Variants in CAMTA1 observed in about 807,000 individuals in gnomAD.
The protein encoded by CAMTA1 is calmodulin-binding transcription activator 1.
Under a neutral mutation model 170.9 loss-of-function variants are expected in CAMTA1, and 27 were observed. The observed-to-expected ratio is 0.16, with a 90% CI of 0.12 to 0.22. The LOEUF is 0.22. CAMTA1 is among the 10% of genes least tolerant of loss of function. The pLI is 1.00. For missense variants in CAMTA1, 1,619 were observed against 2,217.2 expected (o/e 0.73, Z 5.42); for synonymous variants, 833 against 891.5 (o/e 0.93, Z 1.17).
rs1213985686 is a variant in CAMTA1, at chr1:7,333,080, C to T, written c.438+83454C>T. Among the ~76,000 whole-genome samples, 1 of 152,198 alleles carries T rather than the reference C, an allele frequency of 6.6e-6. No homozygotes were observed. The highest frequency in any genetic ancestry group is 1.9e-4 in the East Asian group (1 of 5,198). ...CATTCCTCAGCCATTTATTGCTGCACCCACTCCAGCGGGCATGAGCAACAG... is the reference window on the plus strand; with the variant it reads ...CATTCCTCAGCCATTTATTGCTGCATCCACTCCAGCGGGCATGAGCAACAG... On this transcript the variant is annotated intron_variant, in intron 5 of 22. Transcript: ENST00000303635. This position sits in a 1 kb window ranked among gnomAD's most constrained non-coding sequence, Gnocchi z 4.4.
chr1:7,752,361 G>A (rs1375046084), intron 20 of CAMTA1, 98 bp from the exon 21 acceptor site: 12 of 1,005,096 alleles, frequency 1.2e-5, no homozygotes, highest in African/African-American at 3.2e-5. Context: ...TTTGCTACAC[G>A]AACTGCTTAA....
intron 11 of CAMTA1, among the ~76,000 whole-genome samples, chr1:7,708,939 C>G (rs999231183): frequency 2.6e-5 from 4 of 152,064 alleles, no homozygotes; most frequent in African/African-American, 9.7e-5. Flanking sequence ...ATTAATCATT[C>G]TCTCCATTTT....
In CAMTA1 at chr1:6,968,205, T is replaced by A. The variant is rs189464464; in HGVS notation, c.235-123099T>A. On this transcript the variant is annotated intron_variant, in intron 3 of 22. Coordinates refer to ENST00000303635, the MANE Select transcript of CAMTA1 (RefSeq NM_015215.4). ...CCGCTTGGTGTGCCGAGAAAACGGCTCTTAATGTGGCCCCGGGTGTGTTTT... is the reference window on the plus strand; with the variant it reads ...CCGCTTGGTGTGCCGAGAAAACGGCACTTAATGTGGCCCCGGGTGTGTTTT... Among the ~76,000 whole-genome samples the A allele has an allele frequency of 2.4e-4, 36 of 152,250 alleles. No individual in the cohort carries two copies. The East Asian group carries it at 5.2e-3, about 22-fold the overall frequency.
chr1:6,961,291 T>C (rs1690352931), intron 3 of CAMTA1, among the ~76,000 whole-genome samples: 1 of 152,154 alleles, frequency 6.6e-6, no homozygotes, highest in Non-Finnish European at 1.5e-5. Context: ...AGGAGCACGC[T>C]GGAAGGAAGG....
chr1:7,751,543 T>C (rs2096897430), intron 20 of CAMTA1, 151 bp downstream of exon 20: 1 of 556,848 alleles, frequency 1.8e-6, no homozygotes, highest in Non-Finnish European at 3.0e-6. Context: ...GCATGGTGGC[T>C]GATAAGTACA....
At chr1:7,316,601 C>A (rs908981141) in intron 5 of CAMTA1, among the ~76,000 whole-genome samples, 9 of 152,154 alleles carry the variant, frequency 5.9e-5, no homozygotes, top group Non-Finnish European at 1.2e-4. Context: ...GTGTTCGTAA[C>A]AATTCTGTTC....
intron 3 of CAMTA1, among the ~76,000 whole-genome samples, chr1:6,939,151 G>A (rs964630641): frequency 6.6e-5 from 10 of 152,176 alleles, no homozygotes; most frequent in African/African-American, 2.2e-4. Context: ...ATTTGGGTTC[G>A]TAACCAGAGG....
rs3034816 is a variant in CAMTA1 at position 7,579,552 on chromosome 1, CTTTTTTTT to C, written c.511-60830_511-60823del. ...GGTCCACTTTCTTTTCTTTTCTTTT[CTTTTTTTT>C]TTTTTTTTTTTTTTTTTGAGATAGA... On this transcript the variant is annotated intron_variant, in intron 6 of 22. Transcript: ENST00000303635. 1.9e-4 allele frequency among the ~76,000 whole-genome samples: 15 copies of C among 79,196 alleles called. 1 individual carries two copies. Among genetic ancestry groups the C allele is most frequent in the East Asian group, 1.1e-3 (3 of 2,848 alleles). The allele number at this position is 79,196 out of a possible 152,430, so 52.0% of individuals were successfully genotyped here. A position where few individuals can be genotyped will look rare whatever the true frequency, so the allele number is the denominator to read the frequency against.
At chr1:7,204,884 C>T (rs977210288) in intron 4 of CAMTA1, among the ~76,000 whole-genome samples, 3 of 133,816 alleles carry the variant, frequency 2.2e-5, no homozygotes. Context: ...GGCTGAAGTG[C>T]AGTGGCACGA....
chr1:7,766,697 C>G lies in CAMTA1; in HGVS notation c.*206C>G. On this transcript the variant is annotated 3_prime_UTR_variant, in exon 23 of 23. Transcript: ENST00000303635. Reference sequence around the variant, plus strand: ...GTTTTGGTCATTGCATTTGCACTTTCATGGACAACTTTTAATTTGATCAGC... The same window carrying G: ...GTTTTGGTCATTGCATTTGCACTTTGATGGACAACTTTTAATTTGATCAGC... 1.9e-6 allele frequency: 1 copy of G among 516,322 alleles called. No individual in the cohort carries two copies. The highest frequency in any genetic ancestry group is 3.5e-6 in the Non-Finnish European group (1 of 288,074). The allele number at this position is 516,322 out of a possible 1,614,324, so 32.0% of individuals were successfully genotyped here.
At chr1:6,801,044 A>G (rs909608452) in intron 1 of CAMTA1, among the ~76,000 whole-genome samples, 7 of 152,346 alleles carry the variant, frequency 4.6e-5, no homozygotes, top group African/African-American at 1.7e-4. Context: ...GAAAGCTATA[A>G]CAAGTTAGAA....
chr1:7,425,935 G>A (rs982819613), intron 5 of CAMTA1, among the ~76,000 whole-genome samples: 1 of 152,326 alleles, frequency 6.6e-6, no homozygotes, highest in Middle Eastern at 3.4e-3. Flanking sequence ...GCCAATGTTT[G>A]TGATTTCATT....
chr1:7,112,105 G>C (rs991667796), intron 4 of CAMTA1, among the ~76,000 whole-genome samples: 1 of 152,102 alleles, frequency 6.6e-6, no homozygotes, highest in Non-Finnish European at 1.5e-5. Context: ...TGGAGCCTTT[G>C]TAGGGGAGGC....
At chr1:7,001,753 C>T (rs984944395) in intron 3 of CAMTA1, among the ~76,000 whole-genome samples, 1 of 152,244 alleles carries the variant, frequency 6.6e-6, no homozygotes, top group Admixed American at 6.5e-5. Context: ...GCATCACCAA[C>T]GTGGCTTCTG....
At chr1:7,290,785 A>G (rs1483584171) in intron 5 of CAMTA1, among the ~76,000 whole-genome samples, 2 of 152,184 alleles carry the variant, frequency 1.3e-5, no homozygotes, top group African/African-American at 4.8e-5. Flanking sequence ...GATGACAGTC[A>G]TAGAATGAAA....
chr1:7,198,581 G>A (rs928906602), intron 4 of CAMTA1, among the ~76,000 whole-genome samples: 1 of 152,074 alleles, frequency 6.6e-6, no homozygotes, highest in Non-Finnish European at 1.5e-5. Context: ...CATTTCCAGA[G>A]GGTGTCTCCA....
chr1:7,321,464 T>G (rs533818975), intron 5 of CAMTA1, among the ~76,000 whole-genome samples: 4 of 152,330 alleles, frequency 2.6e-5, no homozygotes, highest in African/African-American at 9.6e-5. Context: ...CTTGGCCCTC[T>G]CACTGGCACA....
rs998392277 is a variant in CAMTA1, at chr1:7,113,632, A to G, written c.302+22261A>G. 6.6e-5 allele frequency among the ~76,000 whole-genome samples: 10 copies of G among 152,208 alleles called. No homozygotes were observed. The highest frequency in any genetic ancestry group is 3.2e-3 in the Middle Eastern group (1 of 316). The stretch of plus-strand genomic sequence containing the variant: ...TTTTAAATGCTTTATAGATTAATTT[A>G]TATTCTAACATGGTAATGAGGAAGC... On this transcript the variant is annotated intron_variant, in intron 4 of 22. Transcript: ENST00000303635. The surrounding 1 kb of genome is among the most constrained non-coding windows in gnomAD (Gnocchi z 4.5).
chr1:7,180,153 G>A (rs1651798825), intron 4 of CAMTA1, among the ~76,000 whole-genome samples: 3 of 152,112 alleles, frequency 2.0e-5, no homozygotes, highest in Non-Finnish European at 2.9e-5. Context: ...GATCACCTGA[G>A]GTCAGGAGTT....
Sources: gnomAD v4.1 joint callset for allele counts (sites outside exome capture counted in the v4.1 genomes callset) on GRCh38, gnomAD v4.1.1 for gene constraint, Gnocchi (gnomAD v3.1) non-coding constraint, MANE v1.5 for transcripts, NCBI Gene and HGNC (gene_info 2026-07-23, HGNC 2026-07-21) for gene names.